Variants in DGKI observed in about 807,000 individuals in gnomAD.
DGKI encodes DAG kinase iota.
DGKI carries 55 observed loss-of-function variants against 147.5 expected under a neutral mutation model. The ratio of observed to expected loss-of-function variants is 0.37; its 90% confidence interval spans 0.30 to 0.47. The LOEUF (loss-of-function observed/expected upper bound fraction) is 0.47, where lower values mean the gene tolerates loss of function less well. Among genes scored for constraint, DGKI ranks in the 20% least tolerant of loss-of-function variants. DGKI has a pLI of 1.00. For synonymous variants in DGKI, 469 were observed against 477.1 expected (o/e 0.98, Z 0.22); for missense variants, 1,007 against 1,323.8 (o/e 0.76, Z 3.71).
chr7:137,641,634 C>T (rs1821629521), intron 6 of DGKI, among the ~76,000 whole-genome samples: 2 of 152,128 alleles, frequency 1.3e-5, no homozygotes, highest in Admixed American at 1.3e-4. Context: ...TATGTATACG[C>T]AAATGTTCCA....
At chr7:137,797,000 C>T (rs1457517376) in intron 1 of DGKI, among the ~76,000 whole-genome samples, 1 of 152,074 alleles carries the variant, frequency 6.6e-6, no homozygotes, top group Non-Finnish European at 1.5e-5. Context: ...AAATTCATAC[C>T]TATACATTTA....
rs766245312 is a variant in DGKI at position 137,599,861 on chromosome 7, C to T, written c.1212G>A (p.Arg404=). The change falls in exon 11 of 33, where the codon CGG becomes CGA. Residue 404 remains arginine, a synonymous_variant. Transcript: ENST00000614521. ...CTTCCTGAGAAAGATCAAAGACTTG[C>T]CGTGGATTCAGGTACCACATGAACA... ...LQMFMWYLNP[R]QVFDLSQEGP... 6.2e-7 allele frequency: 1 copy of T among 1,613,876 alleles called. No homozygotes were observed. The highest frequency in any genetic ancestry group is 8.5e-7 in the Non-Finnish European group (1 of 1,179,822).
At chr7:137,411,581 G>T (rs1013220451) in intron 29 of DGKI, among the ~76,000 whole-genome samples, 1 of 152,074 alleles carries the variant, frequency 6.6e-6, no homozygotes, top group African/African-American at 2.4e-5. Context: ...CACAGACAGT[G>T]AATGGTAGAG....
Position 137,407,911 on chromosome 7 carries a change from CGGTTT to C in DGKI, c.2879_2883del (p.Lys960ArgfsTer11). ...ATATATTTCACAATCTCCCCGTTGC[CGGTTT>C]TAGCTGCGTAGTGAAGGAGTGAACA... is the stretch of plus-strand genomic sequence containing the variant. On this transcript the variant is annotated frameshift_variant, in exon 30 of 33. Coordinates refer to ENST00000614521, the MANE Select transcript of DGKI (RefSeq NM_001321708.2). LOFTEE classifies it high-confidence loss of function. The C allele has an allele frequency of 6.2e-7, 1 of 1,614,092 alleles. No individual in the cohort carries two copies. The highest frequency in any genetic ancestry group is 8.5e-7 in the Non-Finnish European group (1 of 1,179,960).
intron 3 of DGKI, among the ~76,000 whole-genome samples, chr7:137,658,166 A>G (rs1822290577): frequency 6.6e-6 from 1 of 152,222 alleles, no homozygotes; most frequent in Non-Finnish European, 1.5e-5. Context: ...CTAAAAAAGA[A>G]AAGAAGAAGA....
At chr7:137,678,377 G>A (rs566437748) in intron 3 of DGKI, among the ~76,000 whole-genome samples, 180 bp downstream of exon 3, 2 of 152,150 alleles carry the variant, frequency 1.3e-5, no homozygotes, top group Non-Finnish European at 2.9e-5. Flanking sequence ...CATTACGAGC[G>A]ACAACCTGAA....
At chr7:137,682,006 T>C (rs1823254398) in intron 2 of DGKI, among the ~76,000 whole-genome samples, 1 of 152,250 alleles carries the variant, frequency 6.6e-6, no homozygotes, top group Admixed American at 6.5e-5. Context: ...ATGTATATTA[T>C]AGCACATGGT....
intron 1 of DGKI, among the ~76,000 whole-genome samples, chr7:137,701,550 T>C (rs1823984812): frequency 6.6e-6 from 1 of 152,098 alleles, no homozygotes; most frequent in Non-Finnish European, 1.5e-5. Context: ...TCTGTATATA[T>C]GCAACCACAA....
At chr7:137,729,886 A>C (rs1794821134) in intron 1 of DGKI, among the ~76,000 whole-genome samples, 1 of 152,082 alleles carries the variant, frequency 6.6e-6, no homozygotes, top group Admixed American at 6.6e-5. Flanking sequence ...TCAGGGGTGG[A>C]AAAGAGGATT....
chr7:137,675,668 G>A (rs995074327), intron 3 of DGKI, among the ~76,000 whole-genome samples: 14 of 130,696 alleles, frequency 1.1e-4, no homozygotes, highest in Admixed American at 6.6e-4. Flanking sequence ...CTGGGCAGCC[G>A]AGCAAGACTA....
At chr7:137,581,750 A>G in intron 15 of DGKI, 100 bp downstream of exon 15, 1 of 978,756 alleles carries the variant, frequency 1.0e-6, no homozygotes, top group Non-Finnish European at 1.6e-6. Context: ...ACACTGAAGC[A>G]CACTGTAAAC....
intron 6 of DGKI, among the ~76,000 whole-genome samples, chr7:137,624,612 GT>G (rs566489222): frequency 2.4e-3 from 358 of 146,980 alleles, no homozygotes; most frequent in East Asian, 0.019. Context: ...TTTTGTTTTT[GT>G]TTTTTTTTTG....
intron 28 of DGKI, among the ~76,000 whole-genome samples, chr7:137,433,726 C>T (rs557860954): frequency 2.2e-4 from 34 of 152,320 alleles, no homozygotes; most frequent in African/African-American, 8.2e-4. Context: ...TCCTAAATAA[C>T]TGTATTGACT....
At chr7:137,618,152 T>TATGTATGTA (rs1554442534) in intron 8 of DGKI, among the ~76,000 whole-genome samples, 1 of 14,394 alleles carries the variant, frequency 6.9e-5, no homozygotes, top group African/African-American at 1.3e-4. Context: ...TATATATATA[T>TATGTATGTA]TTTTTTTTTT....
intron 1 of DGKI, among the ~76,000 whole-genome samples, chr7:137,808,410 C>T (rs1797449752): frequency 6.6e-6 from 1 of 152,234 alleles, no homozygotes; most frequent in Non-Finnish European, 1.5e-5. Flanking sequence ...ATTTCATTTA[C>T]TTGTCACAAG....
intron 19 of DGKI, among the ~76,000 whole-genome samples, chr7:137,555,659 T>C (rs1457408646): frequency 6.6e-6 from 1 of 152,058 alleles, no homozygotes; most frequent in African/African-American, 2.4e-5. Flanking sequence ...TGGAAAAATA[T>C]AACTTACGAA....
At chr7:137,540,279 C>G (rs1817645061) in intron 20 of DGKI, among the ~76,000 whole-genome samples, 1 of 152,080 alleles carries the variant, frequency 6.6e-6, no homozygotes, top group African/African-American at 2.4e-5. Flanking sequence ...TCCCTAATAT[C>G]AGAAAGAAAG....
chr7:137,676,565 T>C (rs1180846105), intron 3 of DGKI, among the ~76,000 whole-genome samples: 1 of 152,210 alleles, frequency 6.6e-6, no homozygotes, highest in East Asian at 1.9e-4. Context: ...GATTTATTCC[T>C]TCATTTAACC....
rs532528078 is a variant in DGKI at position 137,482,743 on chromosome 7, C to T, written c.2373+2631G>A. Among the ~76,000 whole-genome samples, 6 of 152,132 alleles carry T rather than the reference C, an allele frequency of 3.9e-5. No individual in the cohort carries two copies. In the East Asian group the frequency reaches 5.8e-4, roughly 15 times the overall value. ...TTAGCTTCTCCCTGTGCTCTGGCCA[C>T]GTTAGTTCTAACACAGTCTCTTTTT... On this transcript the variant is annotated intron_variant, in intron 23 of 32. Transcript: ENST00000614521.
Sources: allele counts gnomAD v4.1 joint callset (sites outside exome capture counted in the v4.1 genomes callset), GRCh38; gene constraint gnomAD v4.1.1; transcripts MANE v1.5; gene names NCBI Gene and HGNC (gene_info 2026-07-23, HGNC 2026-07-21).